The following ARHGAP24 variants were observed in gnomAD, a reference collection of about 807,000 sequenced individuals.
ARHGAP24 encodes the protein rho GTPase-activating protein 24.
ARHGAP24 carries 50 observed loss-of-function variants against 76.4 expected under a neutral mutation model. The ratio of observed to expected loss-of-function variants is 0.65; its 90% CI spans 0.52 to 0.83. The LOEUF (loss-of-function observed/expected upper bound fraction) is 0.83, where lower values mean the gene tolerates loss of function less well. Among genes scored for constraint, ARHGAP24 ranks in the 40% least tolerant of loss-of-function variants. The pLI is 0.00. For missense variants in ARHGAP24, 930 were observed against 914.2 expected (o/e 1.02, Z -0.22); for synonymous variants, 345 against 323.3 (o/e 1.07, Z -0.72).
chr4:85,934,161 T>A (rs528689798), intron 4 of ARHGAP24, among the ~76,000 whole-genome samples: 1 of 152,334 alleles, frequency 6.6e-6, no homozygotes, highest in South Asian at 2.1e-4. Context: ...TCTAAAACAG[T>A]GCTGTCAAGC....
At chr4:85,950,122 G>C (rs890376352) in intron 5 of ARHGAP24, among the ~76,000 whole-genome samples, 2 of 152,150 alleles carry the variant, frequency 1.3e-5, no homozygotes, top group Non-Finnish European at 2.9e-5. Context: ...GGTATAACAG[G>C]CATGTTGCAG....
chr4:85,911,584 A>G (rs1735088022), intron 3 of ARHGAP24, among the ~76,000 whole-genome samples: 1 of 152,206 alleles, frequency 6.6e-6, no homozygotes, highest in South Asian at 2.1e-4. Flanking sequence ...AACATTGAAG[A>G]CATTGTGCCT....
rs1188100308 is a variant in ARHGAP24, at chr4:85,972,611, A to G, written c.732+443A>G. 5.3e-5 allele frequency among the ~76,000 whole-genome samples: 8 copies of G among 152,332 alleles called. No homozygotes were observed. In the East Asian group the frequency reaches 1.5e-3, roughly 29 times the overall value. On this transcript the variant is annotated intron_variant, in intron 6 of 9. Coordinates refer to ENST00000395184, the MANE Select transcript of ARHGAP24 (RefSeq NM_001025616.3). ...CAATACAATCGCCCATTTAAAATGT[A>G]TGATTCAGTGTTTTTTAGTATATTC... is the stretch of plus-strand genomic sequence containing the variant.
At chr4:85,490,817 C>A (rs111409133) in intron 1 of ARHGAP24, among the ~76,000 whole-genome samples, 21 of 152,132 alleles carry the variant, frequency 1.4e-4, no homozygotes, top group South Asian at 2.1e-4. Context: ...CAAAACAGAG[C>A]TTGTATGACC....
chr4:85,741,064 C>G (rs1238771736), intron 3 of ARHGAP24, among the ~76,000 whole-genome samples: 2 of 152,082 alleles, frequency 1.3e-5, no homozygotes, highest in Non-Finnish European at 2.9e-5. Context: ...AGTAACTTGC[C>G]CTAGGTCACC....
rs1343580875 is a variant in ARHGAP24, at chr4:85,527,787, A to G, written c.-20-42735A>G. 2.0e-5 allele frequency among the ~76,000 whole-genome samples: 3 copies of G among 152,212 alleles called. No individual in the cohort carries two copies. The South Asian group carries it at 6.2e-4, about 32-fold the overall frequency. ...CTGGCAAGTATTGCTTTCCTTCTGT[A>G]TTTTAAATGACTCTTGAAATTTCAC... On this transcript the variant is annotated intron_variant, in intron 1 of 9. Coordinates refer to ENST00000395184, the MANE Select transcript of ARHGAP24 (RefSeq NM_001025616.3).
intron 2 of ARHGAP24, chr4:85,604,411 T>C (rs1398105903): frequency 2.0e-5 from 3 of 152,196 alleles, no homozygotes; most frequent in African/African-American, 7.2e-5. Flanking sequence ...AAACTTGAAA[T>C]TACATGATTG....
intron 2 of ARHGAP24, among the ~76,000 whole-genome samples, chr4:85,625,799 T>TG (rs1262397902): frequency 2.6e-5 from 4 of 152,184 alleles, no homozygotes; most frequent in Admixed American, 2.0e-4. Context: ...CTCTTCTTAT[T>TG]AATTGATCCC....
chr4:85,783,980 CT>C (rs1323276295), intron 3 of ARHGAP24, among the ~76,000 whole-genome samples: 2 of 152,112 alleles, frequency 1.3e-5, no homozygotes, highest in Non-Finnish European at 2.9e-5. Context: ...AATCTTCAGC[CT>C]TTTCAACCAT....
intron 1 of ARHGAP24, among the ~76,000 whole-genome samples, chr4:85,485,549 T>G (rs1436683587): frequency 6.6e-6 from 1 of 150,966 alleles, no homozygotes; most frequent in East Asian, 1.9e-4. Context: ...AGAAAAGATT[T>G]GGGAAGATGT....
intron 5 of ARHGAP24, among the ~76,000 whole-genome samples, chr4:85,964,803 T>C (rs985484636): frequency 2.0e-5 from 3 of 152,172 alleles, no homozygotes; most frequent in African/African-American, 7.2e-5. Context: ...CAAGGTATTT[T>C]ATTTTTATTT....
intron 3 of ARHGAP24, among the ~76,000 whole-genome samples, chr4:85,851,390 G>A (rs556642842): frequency 3.9e-5 from 6 of 152,250 alleles, no homozygotes; most frequent in South Asian, 2.1e-4. Flanking sequence ...GATGGGTCTC[G>A]AATCTTTGTC....
intron 8 of ARHGAP24, among the ~76,000 whole-genome samples, chr4:85,985,742 A>T (rs1353301496): frequency 2.0e-5 from 3 of 152,214 alleles, no homozygotes; most frequent in Admixed American, 6.5e-5. Flanking sequence ...GACTTCTGAG[A>T]TCAAATTTGT....
At chr4:85,488,082 T>G (rs1723208219) in intron 1 of ARHGAP24, among the ~76,000 whole-genome samples, 1 of 150,680 alleles carries the variant, frequency 6.6e-6, no homozygotes, top group Non-Finnish European at 1.5e-5. Context: ...AATTTTTTGT[T>G]GTGTATATTT....
chr4:85,653,620 C>G (rs1302701900), intron 2 of ARHGAP24, among the ~76,000 whole-genome samples: 1 of 152,036 alleles, frequency 6.6e-6, no homozygotes, highest in Non-Finnish European at 1.5e-5. Flanking sequence ...ATTACAGGTG[C>G]CTGTCACTAT....
chr4:85,982,987 T>C (rs1312233753), intron 8 of ARHGAP24, among the ~76,000 whole-genome samples: 1 of 152,182 alleles, frequency 6.6e-6, no homozygotes, highest in African/African-American at 2.4e-5. Context: ...GTTCACATTG[T>C]TCAGCTCCCA....
At chr4:85,709,334 A>T in intron 2 of ARHGAP24, among the ~76,000 whole-genome samples, 1 of 152,286 alleles carries the variant, frequency 6.6e-6, no homozygotes, top group Middle Eastern at 3.4e-3. Flanking sequence ...TATTAATATC[A>T]TAACAGGTTA....
At chr4:85,610,001 AT>A (rs1246742131) in intron 2 of ARHGAP24, among the ~76,000 whole-genome samples, 2 of 152,128 alleles carry the variant, frequency 1.3e-5, no homozygotes, top group African/African-American at 2.4e-5. Context: ...TACAACTGAT[AT>A]TTCTAGATTA....
At chr4:85,794,944 C>T (rs1728284228) in intron 3 of ARHGAP24, among the ~76,000 whole-genome samples, 1 of 152,172 alleles carries the variant, frequency 6.6e-6, no homozygotes, top group Admixed American at 6.5e-5. Flanking sequence ...AAAGGTCCAC[C>T]CTCTTGTACC....
Sources: allele counts gnomAD v4.1 joint callset (sites outside exome capture counted in the v4.1 genomes callset), GRCh38; gene constraint gnomAD v4.1.1; transcripts MANE v1.5; gene names NCBI Gene and HGNC (gene_info 2026-07-23, HGNC 2026-07-21).